The following SHROOM3 variants were observed in gnomAD, a reference collection of about 807,000 sequenced individuals.
SHROOM3 encodes protein Shroom3.
A neutral mutation model predicts 138.6 loss-of-function variants in SHROOM3; 47 were observed. The observed-to-expected ratio is 0.34, with a 90% confidence interval of 0.27 to 0.43. The LOEUF (loss-of-function observed/expected upper bound fraction) is 0.43, where lower values mean the gene tolerates loss of function less well. SHROOM3 is among the 20% of genes least tolerant of loss of function. SHROOM3 has a pLI of 1.00. For synonymous variants in SHROOM3, 1,062 were observed against 1,063.3 expected, an observed-to-expected ratio of 1.00 and a Z score of 0.02; for missense variants, 2,491 against 2,596.5, an observed-to-expected ratio of 0.96 and a Z score of 0.88.
At chr4:76,611,870 C>T (rs559621704) in intron 2 of SHROOM3, among the ~76,000 whole-genome samples, 2 of 152,216 alleles carry the variant, frequency 1.3e-5, no homozygotes, top group Non-Finnish European at 2.9e-5. Context: ...TTATCATCTT[C>T]ACCCAGTGTC....
In SHROOM3 at chr4:76,754,218, T is replaced by G. The variant is rs572424865; in HGVS notation, c.3828-93T>G. On this transcript the variant is annotated intron_variant, in intron 6 of 10. Coordinates refer to ENST00000296043, the MANE Select transcript of SHROOM3 (RefSeq NM_020859.4). Reference sequence around the variant, plus strand: ...GAAGGAAAAGAGGTCCTCCTTCCTCTTAAATGCTTTTCTCATCTATGTAAG... The same window carrying G: ...GAAGGAAAAGAGGTCCTCCTTCCTCGTAAATGCTTTTCTCATCTATGTAAG... 105 of 1,532,344 alleles carry G rather than the reference T, an allele frequency of 6.9e-5. No homozygotes were observed. The East Asian group carries it at 2.3e-3, about 34-fold the overall frequency. The allele number at this position is 1,532,344 out of a possible 1,614,324, so 94.9% of individuals were successfully genotyped here.
intron 1 of SHROOM3, among the ~76,000 whole-genome samples, chr4:76,479,690 A>C (rs1265887793): frequency 6.6e-6 from 1 of 152,214 alleles, no homozygotes; most frequent in African/African-American, 2.4e-5. Context: ...CAGATTCACC[A>C]AGGTTGAAAT....
At chr4:76,775,226 A>G (rs777466153) in intron 10 of SHROOM3, among the ~76,000 whole-genome samples, 1 of 152,078 alleles carries the variant, frequency 6.6e-6, no homozygotes, top group African/African-American at 2.4e-5. Context: ...TCCATTCCTG[A>G]GTCACTTCAC....
At chr4:76,448,868 G>A (rs1041196456) in intron 1 of SHROOM3, among the ~76,000 whole-genome samples, 1 of 152,142 alleles carries the variant, frequency 6.6e-6, no homozygotes, top group Non-Finnish European at 1.5e-5. Context: ...GCATTGCACT[G>A]TACTATGGAA....
chr4:76,726,151 G>A (rs1465484308), intron 3 of SHROOM3, among the ~76,000 whole-genome samples: 1 of 152,028 alleles, frequency 6.6e-6, no homozygotes, highest in Non-Finnish European at 1.5e-5. Context: ...CCTCTTTACA[G>A]CATTGCAGTG....
chr4:76,723,825 A>G (rs1720620512), intron 3 of SHROOM3, among the ~76,000 whole-genome samples: 1 of 152,246 alleles, frequency 6.6e-6, no homozygotes, highest in Non-Finnish European at 1.5e-5. Context: ...AGTGCCTAGA[A>G]TGGTGGTTGG....
In SHROOM3 at chr4:76,760,918, C is replaced by T. The variant is rs1005191636; in HGVS notation, c.5349+1223C>T. 4.6e-5 allele frequency among the ~76,000 whole-genome samples: 7 copies of T among 152,284 alleles called. No homozygotes were observed. The South Asian group carries it at 1.0e-3, about 23-fold the overall frequency. On this transcript the variant is annotated intron_variant, in intron 9 of 10. Coordinates refer to ENST00000296043, the MANE Select transcript of SHROOM3 (RefSeq NM_020859.4). ...CGTTGCCATGGCATCTTTAACTGAA[C>T]GTTTTACACAATTTTTTTGTTATTT... is the stretch of plus-strand genomic sequence containing the variant.
intron 1 of SHROOM3, among the ~76,000 whole-genome samples, chr4:76,546,447 G>T (rs9996706): frequency 0.27 from 41,147 of 152,056 alleles, 6,413 homozygotes; most frequent in East Asian, 0.46. Flanking sequence ...TAGTTCTGGT[G>T]CCAAAACAAT....
chr4:76,753,510 G>A (rs1056091139), intron 6 of SHROOM3, among the ~76,000 whole-genome samples: 7 of 152,192 alleles, frequency 4.6e-5, no homozygotes, highest in African/African-American at 1.7e-4. Flanking sequence ...ATCACGGTGG[G>A]TTTGCTGGAG....
chr4:76,596,881 C>A (rs147161470), intron 2 of SHROOM3, among the ~76,000 whole-genome samples: 1 of 152,166 alleles, frequency 6.6e-6, no homozygotes, highest in Non-Finnish European at 1.5e-5. Flanking sequence ...TGGGCTCTAC[C>A]CCATGTGCCC....
At position 76,558,929 on chromosome 4, in the gene SHROOM3, C is replaced by G. The variant is rs186305918; in HGVS notation, c.323+3166C>G. ...CTGCCAGGCGGCCAGAGATTCACAT[C>G]CAGAAGCAAGGGCCCTTTCCCCTCT... On this transcript the variant is annotated intron_variant, in intron 2 of 10. Coordinates refer to ENST00000296043, the MANE Select transcript of SHROOM3 (RefSeq NM_020859.4). Among the ~76,000 whole-genome samples, 1,263 of 152,278 alleles carry G rather than the reference C, an allele frequency of 8.3e-3. 11 individuals are homozygous for G. Among genetic ancestry groups the G allele is most frequent in the Middle Eastern group, 0.024 (7 of 294 alleles).
intron 2 of SHROOM3, among the ~76,000 whole-genome samples, chr4:76,687,525 G>A (rs1247813860): frequency 6.6e-6 from 1 of 152,182 alleles, no homozygotes; most frequent in Non-Finnish European, 1.5e-5. Flanking sequence ...GGTACCAGTT[G>A]AGCAAACTAA....
intron 1 of SHROOM3, among the ~76,000 whole-genome samples, chr4:76,550,434 A>G (rs1733325513): frequency 6.6e-6 from 1 of 152,200 alleles, no homozygotes; most frequent in Non-Finnish European, 1.5e-5. Flanking sequence ...CATTAAGAGG[A>G]GAGGATGAAA....
chr4:76,624,171 T>C (rs1387886114), intron 2 of SHROOM3, among the ~76,000 whole-genome samples: 1 of 152,224 alleles, frequency 6.6e-6, no homozygotes, highest in African/African-American at 2.4e-5. Flanking sequence ...TGCTTTTTAT[T>C]TCTCATTAAA....
intron 1 of SHROOM3, among the ~76,000 whole-genome samples, chr4:76,554,398 T>C (rs1733433922): frequency 6.7e-6 from 1 of 149,194 alleles, no homozygotes; most frequent in African/African-American, 2.5e-5. Context: ...ACACAACTTT[T>C]TTTTGTTGTT....
chr4:76,617,987 A>C (rs1467839756), intron 2 of SHROOM3, among the ~76,000 whole-genome samples: 1 of 152,264 alleles, frequency 6.6e-6, no homozygotes, highest in East Asian at 1.9e-4. Context: ...GCTGGCAAGC[A>C]TGAAAAGTTG....
intron 2 of SHROOM3, chr4:76,688,405 T>C: frequency 2.0e-6 from 2 of 985,066 alleles, no homozygotes; most frequent in Non-Finnish European, 1.2e-6. Context: ...GTAAGGGAGG[T>C]TTCTATTTCC....
chr4:76,457,780 G>A (rs546089140), intron 1 of SHROOM3, among the ~76,000 whole-genome samples: 1 of 150,770 alleles, frequency 6.6e-6, no homozygotes, highest in Admixed American at 6.6e-5. Flanking sequence ...GTGAGCCACC[G>A]AGCCTGGCTT....
chr4:76,683,934 C>G (rs1719266036), intron 2 of SHROOM3, among the ~76,000 whole-genome samples: 1 of 152,148 alleles, frequency 6.6e-6, no homozygotes, highest in South Asian at 2.1e-4. Flanking sequence ...TGCAATGCCA[C>G]TCTCCAAGAA....
Sources: allele counts gnomAD v4.1 joint callset (sites outside exome capture counted in the v4.1 genomes callset), GRCh38; gene constraint gnomAD v4.1.1; transcripts MANE v1.5; gene names NCBI Gene and HGNC (gene_info 2026-07-23, HGNC 2026-07-21).